Variants in ELOVL6 observed in about 807,000 individuals in gnomAD.
ELOVL6 encodes very long chain fatty acid elongase 6.
Under a neutral mutation model 31.7 loss-of-function variants are expected in ELOVL6, and 8 were observed. The ratio of observed to expected loss-of-function variants is 0.25; its 90% CI spans 0.15 to 0.45. ELOVL6 has a LOEUF of 0.45. Among genes scored for constraint, ELOVL6 ranks in the 20% least tolerant of loss-of-function variants. The probability of loss-of-function intolerance (pLI) is 1.00; values close to 1 mark genes in which losing one functional copy is unlikely to be tolerated. For missense variants in ELOVL6, 126 were observed against 326.4 expected (o/e 0.39, Z 4.73); for synonymous variants, 101 against 117.7 (o/e 0.86, Z 0.92).
chr4:110,189,660 CTTGT>C (rs1267040807), intron 1 of ELOVL6, among the ~76,000 whole-genome samples: 1 of 143,670 alleles, frequency 7.0e-6, no homozygotes, highest in African/African-American at 2.6e-5. Flanking sequence ...TACTTGTTTA[CTTGT>C]TTCACTTTAA....
chr4:110,110,433 G>A (rs981117630), intron 1 of ELOVL6, among the ~76,000 whole-genome samples: 1 of 137,136 alleles, frequency 7.3e-6, no homozygotes, highest in Non-Finnish European at 1.5e-5. Context: ...TTTGAGCCAA[G>A]GTCTCATTCT....
chr4:110,084,175 G>GATATATACATGTTATATATC (rs1756062867), intron 2 of ELOVL6, among the ~76,000 whole-genome samples: 1 of 91,202 alleles, frequency 1.1e-5, no homozygotes, highest in Non-Finnish European at 2.1e-5. Context: ...TGATATATAT[G>GATATATACATGTTATATATC]ATATATATAA....
chr4:110,134,617 GT>G (rs1331064586), intron 1 of ELOVL6, among the ~76,000 whole-genome samples: 1 of 152,092 alleles, frequency 6.6e-6, no homozygotes, highest in East Asian at 1.9e-4. Flanking sequence ...GTTAGAGAAT[GT>G]TTGTGCAGAG....
chr4:110,182,178 A>T (rs2126278169), intron 1 of ELOVL6, among the ~76,000 whole-genome samples: 1 of 152,306 alleles, frequency 6.6e-6, no homozygotes, highest in East Asian at 1.9e-4. Flanking sequence ...CACATGTAAA[A>T]GTTGTAATTC....
chr4:110,118,066 C>G (rs1218009819), intron 1 of ELOVL6: 6 of 143,920 alleles, frequency 4.2e-5, no homozygotes, highest in African/African-American at 1.5e-4. Context: ...TCAAGTGATT[C>G]TCCTGCCTCA....
At chr4:110,127,406 CAAAAAA>C (rs572027886) in intron 1 of ELOVL6, among the ~76,000 whole-genome samples, 4 of 85,516 alleles carry the variant, frequency 4.7e-5, no homozygotes, top group Non-Finnish European at 8.6e-5. Context: ...GATTCCGTCT[CAAAAAA>C]AAAAAAAAAA....
At chr4:110,096,376 G>T (rs1163518500) in intron 2 of ELOVL6, among the ~76,000 whole-genome samples, 1 of 152,136 alleles carries the variant, frequency 6.6e-6, no homozygotes, top group East Asian at 1.9e-4. Flanking sequence ...AAGGGGTCAA[G>T]AATTCAGTTA....
intron 1 of ELOVL6, among the ~76,000 whole-genome samples, chr4:110,148,282 T>C (rs1369549071): frequency 2.0e-5 from 3 of 152,134 alleles, no homozygotes; most frequent in East Asian, 3.9e-4. Flanking sequence ...CATCATCTTA[T>C]ACCAATCAGA....
At chr4:110,104,378 T>C (rs11731449) in intron 2 of ELOVL6, among the ~76,000 whole-genome samples, 96,318 of 152,022 alleles carry the variant, frequency 0.63, 33,067 homozygotes, top group African/African-American at 0.89. Context: ...AACCTAGGGC[T>C]TTAGAAATTG....
chr4:110,136,148 A>G (rs533634279), intron 1 of ELOVL6, among the ~76,000 whole-genome samples: 1 of 152,338 alleles, frequency 6.6e-6, no homozygotes, highest in Admixed American at 6.5e-5. Flanking sequence ...TTTTGGTCTC[A>G]GATTTCTAGA....
At chr4:110,098,162 C>T (rs1442321347) in intron 2 of ELOVL6, among the ~76,000 whole-genome samples, 1 of 152,032 alleles carries the variant, frequency 6.6e-6, no homozygotes, top group East Asian at 1.9e-4. Flanking sequence ...ATCATCCTTC[C>T]AGCAAAATAT....
chr4:110,180,784 A>G (rs927413292), intron 1 of ELOVL6, among the ~76,000 whole-genome samples: 1 of 152,224 alleles, frequency 6.6e-6, no homozygotes, highest in African/African-American at 2.4e-5. Context: ...TTTTGTCTAA[A>G]TTTAGATAAA....
intron 1 of ELOVL6, among the ~76,000 whole-genome samples, chr4:110,133,140 G>A (rs1757717302): frequency 6.6e-6 from 1 of 152,134 alleles, no homozygotes; most frequent in South Asian, 2.1e-4. Context: ...ACACATTCAA[G>A]AGGAAAGAAG....
chr4:110,165,098 TAG>T (rs1246766629), intron 1 of ELOVL6, among the ~76,000 whole-genome samples: 1 of 152,202 alleles, frequency 6.6e-6, no homozygotes, highest in Non-Finnish European at 1.5e-5. Context: ...TATAAGCTTG[TAG>T]AGCAGGTTTG....
intron 2 of ELOVL6, among the ~76,000 whole-genome samples, chr4:110,062,751 C>T (rs752290707): frequency 3.3e-5 from 5 of 152,178 alleles, no homozygotes; most frequent in Non-Finnish European, 4.4e-5. Flanking sequence ...TTTAAGTTCT[C>T]GGCCACTCTA....
intron 1 of ELOVL6, chr4:110,117,903 A>AAAAAAAAAAAAATATAT: frequency 3.1e-4 from 2 of 6,506 alleles, no homozygotes; most frequent in African/African-American, 6.5e-4. Context: ...AAAAAAAAAA[A>AAAAAAAAAAAAATATAT]ATATATATAT....
chr4:110,178,200 TAA>T (rs35804979), intron 1 of ELOVL6, among the ~76,000 whole-genome samples: 1 of 152,166 alleles, frequency 6.6e-6, no homozygotes, highest in Non-Finnish European at 1.5e-5. Flanking sequence ...ATATATTTCT[TAA>T]AAGTTAGGCT....
rs150982821 is a variant in ELOVL6 at position 110,051,373 on chromosome 4, T to C, written c.763A>G (p.Ile255Val). ...TTCGTTGTTTTCCTCATTTTGCCGA[T>C]GTAGGCCTCAAAGAAGAAATGGCAG... ...LFCHFFFEAY[I>V]GKMRKTTKAE The change falls in exon 4 of 4, where the codon ATC becomes GTC. Residue 255 changes from isoleucine (I) to valine (V), a missense_variant. By Grantham distance (29) the Ile-to-Val change is conservative. This residue lies in a region of ELOVL6 where 57 missense variants were observed against 110.2 expected (regional missense o/e 0.52). Transcript: ENST00000302274. The surrounding 1 kb of genome is among the most constrained non-coding windows in gnomAD (Gnocchi z 4.8). The C allele has an allele frequency of 3.0e-4, 480 of 1,614,056 alleles. 1 individual carries two copies. Among genetic ancestry groups the C allele is most frequent in the Non-Finnish European group, 3.2e-4 (372 of 1,180,018 alleles).
At chr4:110,165,545 A>G (rs1027123148) in intron 1 of ELOVL6, among the ~76,000 whole-genome samples, 1 of 152,228 alleles carries the variant, frequency 6.6e-6, no homozygotes, top group African/African-American at 2.4e-5. Context: ...CAGGTTGTCT[A>G]GCTCAGAGAC....
Sources: allele counts gnomAD v4.1 joint callset (sites outside exome capture counted in the v4.1 genomes callset), GRCh38; gene constraint gnomAD v4.1.1; regional missense constraint gnomAD v4.1.1; non-coding constraint Gnocchi (gnomAD v3.1); transcripts MANE v1.5; gene names NCBI Gene and HGNC (gene_info 2026-07-23, HGNC 2026-07-21).